Variants in SYN3 observed in about 807,000 individuals in gnomAD.
SYN3 encodes synapsin III, also known as synapsin-3.
SYN3 carries 35 observed loss-of-function variants against 65.8 expected under a neutral mutation model. That is an observed-to-expected ratio of 0.53 (90% CI 0.41 to 0.70). SYN3 has a LOEUF of 0.70. Among genes scored for constraint, SYN3 ranks in the 30% least tolerant of loss-of-function variants. SYN3 has a pLI of 0.00. For missense variants in SYN3, 680 were observed against 749.0 expected, an observed-to-expected ratio of 0.91 and a Z score of 1.08; for synonymous variants, 270 against 292.9, an observed-to-expected ratio of 0.92 and a Z score of 0.80.
intron 1 of SYN3, among the ~76,000 whole-genome samples, chr22:33,044,948 C>T (rs1052979073): frequency 6.6e-6 from 1 of 151,428 alleles, no homozygotes; most frequent in Admixed American, 6.6e-5. Flanking sequence ...GTTCAAGCGA[C>T]TCTCCTGCCT....
chr22:32,907,037 T>A (rs2049921948), intron 4 of SYN3, among the ~76,000 whole-genome samples: 1 of 152,208 alleles, frequency 6.6e-6, no homozygotes. Context: ...GTGGGATTGC[T>A]GGGTCAAATG....
chr22:32,628,235 A>G (rs2059697395), intron 6 of SYN3, among the ~76,000 whole-genome samples: 1 of 152,028 alleles, frequency 6.6e-6, no homozygotes, highest in South Asian at 2.1e-4. Flanking sequence ...CTCCACAGAG[A>G]GGGGCCAATG....
intron 6 of SYN3, among the ~76,000 whole-genome samples, chr22:32,719,631 C>A (rs2061087774): frequency 6.6e-6 from 1 of 152,064 alleles, no homozygotes; most frequent in African/African-American, 2.4e-5. Flanking sequence ...TCACTTGAGG[C>A]CAAGAGTTCA....
At chr22:32,721,288 A>G (rs1250912870) in intron 6 of SYN3, among the ~76,000 whole-genome samples, 1 of 152,124 alleles carries the variant, frequency 6.6e-6, no homozygotes, top group South Asian at 2.1e-4. Flanking sequence ...GGCACAGAGG[A>G]AAGAGGGGAT....
In SYN3 at chr22:33,055,310, G is replaced by A. The variant is rs563770745; in HGVS notation, c.-163+2982C>T. Among the ~76,000 whole-genome samples, 7 of 152,194 alleles carry A rather than the reference G, an allele frequency of 4.6e-5. No individual in the cohort carries two copies. In the South Asian group the frequency reaches 1.5e-3, roughly 32 times the overall value. Reference sequence around the variant, plus strand: ...ACTCCACTGCCTTCAAACTCATCTCGGGCCACTCCACACAATTTGCCCACT... The same window carrying A: ...ACTCCACTGCCTTCAAACTCATCTCAGGCCACTCCACACAATTTGCCCACT... On this transcript the variant is annotated intron_variant, in intron 1 of 13. Transcript: ENST00000358763.
intron 3 of SYN3, among the ~76,000 whole-genome samples, chr22:32,953,662 G>A (rs942326362): frequency 2.0e-5 from 3 of 152,110 alleles, no homozygotes; most frequent in Non-Finnish European, 4.4e-5. Flanking sequence ...GGTCAGGAAA[G>A]AAGATGAGAT....
At chr22:32,778,581 C>T (rs9621561) in intron 6 of SYN3, among the ~76,000 whole-genome samples, 298 of 152,202 alleles carry the variant, frequency 2.0e-3, no homozygotes, top group Middle Eastern at 0.01. Context: ...TGTGAGCCAC[C>T]GCACCCGGCC....
chr22:32,590,574 C>T (rs777984409), intron 7 of SYN3, among the ~76,000 whole-genome samples: 2 of 152,202 alleles, frequency 1.3e-5, no homozygotes, highest in Non-Finnish European at 2.9e-5. Context: ...GCTTAGTAGA[C>T]AATATCAAGC....
chr22:32,679,053 T>TTC (rs2060486698), intron 6 of SYN3, among the ~76,000 whole-genome samples: 1 of 136,290 alleles, frequency 7.3e-6, no homozygotes, highest in Non-Finnish European at 1.6e-5. Flanking sequence ...TCTTTCTTTT[T>TTC]TTTTTTTTTT....
At chr22:32,889,263 C>T (rs1180180309) in intron 4 of SYN3, among the ~76,000 whole-genome samples, 1 of 152,054 alleles carries the variant, frequency 6.6e-6, no homozygotes, top group African/African-American at 2.4e-5. Flanking sequence ...ACTCCTCTTG[C>T]CCCAACTATA....
intron 7 of SYN3, among the ~76,000 whole-genome samples, chr22:32,567,359 T>G (rs1201299525): frequency 1.7e-5 from 1 of 60,080 alleles, no homozygotes; most frequent in African/African-American, 4.5e-5. Context: ...CCTCCCTTCT[T>G]TCCTTCCTTC....
At chr22:33,026,810 CAAAG>C (rs1487704582) in intron 1 of SYN3, among the ~76,000 whole-genome samples, 1 of 152,172 alleles carries the variant, frequency 6.6e-6, no homozygotes, top group Non-Finnish European at 1.5e-5. Context: ...CAATCCCTGA[CAAAG>C]AAAACCCAGA....
intron 1 of SYN3, among the ~76,000 whole-genome samples, chr22:33,018,840 C>A (rs1371463641): frequency 6.6e-6 from 1 of 152,218 alleles, no homozygotes; most frequent in Non-Finnish European, 1.5e-5. Context: ...CTCACTGAGA[C>A]CTGAACCTAA....
At chr22:32,673,794 A>G (rs2060404137) in intron 6 of SYN3, among the ~76,000 whole-genome samples, 1 of 152,202 alleles carries the variant, frequency 6.6e-6, no homozygotes, top group Non-Finnish European at 1.5e-5. Flanking sequence ...TGAAGGTTTT[A>G]CCATATGTAA....
intron 4 of SYN3, among the ~76,000 whole-genome samples, chr22:32,913,680 C>A (rs568158092): frequency 4.9e-4 from 75 of 152,172 alleles, no homozygotes; most frequent in African/African-American, 1.7e-3. Context: ...TGGGGAAATG[C>A]CTCACAGAAA....
chr22:33,052,583 C>CAA (rs58956477), intron 1 of SYN3, among the ~76,000 whole-genome samples: 39 of 107,868 alleles, frequency 3.6e-4, no homozygotes, highest in African/African-American at 8.7e-4. Flanking sequence ...AGAAGAGGAA[C>CAA]AAAAAAAAAA....
intron 6 of SYN3, among the ~76,000 whole-genome samples, chr22:32,608,826 A>C (rs1348071871): frequency 6.6e-6 from 1 of 152,178 alleles, no homozygotes. Context: ...TGTAAAATAC[A>C]TGTTATAGGT....
chr22:32,938,881 C>T (rs1421578134), intron 3 of SYN3, among the ~76,000 whole-genome samples: 2 of 147,018 alleles, frequency 1.4e-5, no homozygotes, highest in Non-Finnish European at 3.0e-5. Context: ...TGAGCAGAGA[C>T]TGCACCACTG....
At position 32,665,621 on chromosome 22, in the gene SYN3, C is replaced by T. The variant is rs1048838290; in HGVS notation, c.712-68885G>A. ...TTTTTAGCAGCAGAATTTAATCACG[C>T]GCTCTTCTGTCAAACACTTGTGTGT... is the stretch of plus-strand genomic sequence containing the variant. On this transcript the variant is annotated intron_variant, in intron 6 of 13. Coordinates refer to ENST00000358763, the MANE Select transcript of SYN3 (RefSeq NM_003490.4). 1.3e-4 allele frequency among the ~76,000 whole-genome samples: 20 copies of T among 152,124 alleles called. 1 individual carries two copies. The highest frequency in any genetic ancestry group is 8.3e-4 in the South Asian group (4 of 4,802).
Sources: gnomAD v4.1 joint callset for allele counts (sites outside exome capture counted in the v4.1 genomes callset) on GRCh38, gnomAD v4.1.1 for gene constraint, MANE v1.5 for transcripts, NCBI Gene and HGNC (gene_info 2026-07-23, HGNC 2026-07-21) for gene names.